Variants in PCDHGA5 observed in about 807,000 individuals in gnomAD.
The protein encoded by PCDHGA5 is protocadherin gamma subfamily A, 5, also known as protocadherin gamma-A5.
In PCDHGA5, 36 loss-of-function variants were observed where a neutral mutation model predicts 56.7. The observed-to-expected ratio is 0.64, with a 90% confidence interval of 0.49 to 0.84. PCDHGA5 has a LOEUF of 0.84. Among genes scored for constraint, PCDHGA5 ranks in the 40% least tolerant of loss-of-function variants. The probability of loss-of-function intolerance (pLI) is 0.00; values close to 1 mark genes in which losing one functional copy is unlikely to be tolerated. For synonymous variants in PCDHGA5, 563 were observed against 520.2 expected (o/e 1.08, Z -1.12); for missense variants, 1,305 against 1,201.5 (o/e 1.09, Z -1.27).
rs2097424370 is a variant in PCDHGA5, at chr5:141,431,859, C to G, written c.2422-62948C>G. On this transcript the variant is annotated intron_variant, in intron 1 of 3. Coordinates refer to ENST00000518069, the MANE Select transcript of PCDHGA5 (RefSeq NM_018918.3). The surrounding 1 kb of genome is among the most constrained non-coding windows in gnomAD (Gnocchi z 4.8). ...AACTCTCCCAGAGGGACATTAATTG[C>G]CCTTTTAAATGTAAATGACCAAGAT... is the stretch of plus-strand genomic sequence containing the variant. The G allele has an allele frequency of 1.2e-6, 2 of 1,614,060 alleles. No individual in the cohort carries two copies. Among genetic ancestry groups the G allele is most frequent in the Middle Eastern group, 3.3e-4 (2 of 6,084 alleles).
intron 1 of PCDHGA5, chr5:141,422,903 A>G (rs1444530801): frequency 1.9e-6 from 3 of 1,614,036 alleles, no homozygotes; most frequent in African/African-American, 2.7e-5. Context: ...CAGAACGACA[A>G]TGCGCCCGAG....
intron 1 of PCDHGA5, 120 bp downstream of exon 1, chr5:141,366,871 G>C: frequency 1.4e-6 from 2 of 1,404,144 alleles, no homozygotes; most frequent in African/African-American, 1.4e-5. Flanking sequence ...TGCTGTATTG[G>C]AGATTAATTT....
intron 1 of PCDHGA5, among the ~76,000 whole-genome samples, chr5:141,479,977 A>G (rs145953890): frequency 0.015 from 2,300 of 152,320 alleles, 30 homozygotes; most frequent in Non-Finnish European, 0.024. Context: ...AGGTTCTACC[A>G]TTTACCAACT....
At position 141,364,423 on chromosome 5, in the gene PCDHGA5, C is replaced by T. The variant is rs773799474; in HGVS notation, c.93C>T (p.Ile31=). The T allele has an allele frequency of 6.2e-7, 1 of 1,613,592 alleles. No individual in the cohort carries two copies. The highest frequency in any genetic ancestry group is 1.1e-5 in the South Asian group (1 of 91,046). Reference sequence around the variant, plus strand: ...TGTGCGAGCCAGGATCCGGGCAGATCCGCTACTCGATGCCGGAGGAGCTGG... The same window carrying T: ...TGTGCGAGCCAGGATCCGGGCAGATTCGCTACTCGATGCCGGAGGAGCTGG... ...GTLCEPGSGQ[I]RYSMPEELDK... Residue 31 remains isoleucine, a synonymous_variant, in exon 1 of 4, where the codon ATC becomes ATT. Transcript: ENST00000518069.
chr5:141,414,124 G>C, intron 1 of PCDHGA5: 1 of 1,592,872 alleles, frequency 6.3e-7, no homozygotes, highest in Non-Finnish European at 8.6e-7. Context: ...TGAAGAAACC[G>C]GTTTCTATGA....
intron 1 of PCDHGA5, chr5:141,405,019 T>C (rs2094597771): frequency 6.2e-7 from 1 of 1,613,860 alleles, no homozygotes; most frequent in African/African-American, 1.3e-5. Flanking sequence ...CCTCAGACCT[T>C]ACCCTCTACC....
At chr5:141,367,311 G>C (rs1390904308) in intron 1 of PCDHGA5, 1 of 152,666 alleles carries the variant, frequency 6.6e-6, no homozygotes. Flanking sequence ...GGCTGAGGTG[G>C]GCGGATCACG....
At chr5:141,497,060 G>T (rs1244885752) in intron 2 of PCDHGA5, among the ~76,000 whole-genome samples, 1 of 151,952 alleles carries the variant, frequency 6.6e-6, no homozygotes, top group Non-Finnish European at 1.5e-5. Context: ...GTGGTGGCAG[G>T]CACCTGTAAT....
chr5:141,403,690 T>G, intron 1 of PCDHGA5: 1 of 1,613,908 alleles, frequency 6.2e-7, no homozygotes, highest in Non-Finnish European at 8.5e-7. Context: ...CTCAACGGAT[T>G]TACCGAGTTA....
intron 1 of PCDHGA5, among the ~76,000 whole-genome samples, chr5:141,439,251 A>G (rs1467023466): frequency 6.6e-6 from 1 of 152,112 alleles, no homozygotes; most frequent in Non-Finnish European, 1.5e-5. Context: ...ATTTCAGCTG[A>G]AGATTCAGCC....
At chr5:141,499,689 C>CTTT (rs545067566) in intron 2 of PCDHGA5, among the ~76,000 whole-genome samples, 57 of 119,830 alleles carry the variant, frequency 4.8e-4, no homozygotes, top group Non-Finnish European at 6.2e-4. Context: ...TAACAGATGA[C>CTTT]TTTTTTTTTT....
In PCDHGA5 at chr5:141,389,981, G is replaced by T. The variant is rs750738084; in HGVS notation, c.2421+23230G>T. On this transcript the variant is annotated intron_variant, in intron 1 of 3. Transcript: ENST00000518069. ...TGGTGGCCTTGGCCTTGATCTCAGT[G>T]CTCTTCCTCGTGGCCATGATTCTGG... The T allele has an allele frequency of 2.5e-6, 4 of 1,614,006 alleles. No homozygotes were observed. The South Asian group carries it at 4.4e-5, about 18-fold the overall frequency.
At chr5:141,504,502 G>A (rs2099838821) in intron 2 of PCDHGA5, among the ~76,000 whole-genome samples, 1 of 152,128 alleles carries the variant, frequency 6.6e-6, no homozygotes, top group Non-Finnish European at 1.5e-5. Context: ...CCCAGTCTGA[G>A]TGGATCTCCT....
intron 1 of PCDHGA5, among the ~76,000 whole-genome samples, chr5:141,484,821 G>A (rs1367529999): frequency 6.6e-6 from 1 of 152,122 alleles, no homozygotes; most frequent in Admixed American, 6.5e-5. Context: ...CGTTGAGCGG[G>A]AGGAAGGCGA....
At chr5:141,372,131 G>C (rs181587030) in intron 1 of PCDHGA5, 4 of 1,613,644 alleles carry the variant, frequency 2.5e-6, no homozygotes, top group African/African-American at 1.3e-5. Context: ...ATATGGTGCC[G>C]CGCTCTGCAG....
chr5:141,447,388 T>C (rs1302757515), intron 1 of PCDHGA5, among the ~76,000 whole-genome samples: 3 of 152,166 alleles, frequency 2.0e-5, no homozygotes, highest in African/African-American at 7.2e-5. Flanking sequence ...TCTGCCCACC[T>C]CGGCCTCCCA....
In PCDHGA5 at chr5:141,372,278, G is replaced by T. The variant is rs756938433; in HGVS notation, c.2421+5527G>T. The T allele has an allele frequency of 5.6e-6, 9 of 1,613,150 alleles. No individual in the cohort carries two copies. The Admixed American group carries it at 1.5e-4, about 27-fold the overall frequency. On this transcript the variant is annotated intron_variant, in intron 1 of 3. Coordinates refer to ENST00000518069, the MANE Select transcript of PCDHGA5 (RefSeq NM_018918.3). ...GCCTGCGCACGGGTGAGGTGCGCAC[G>T]GCGCGTACCTTGGGCGACAGGGAGG...
At chr5:141,392,851 T>C in intron 1 of PCDHGA5, 1 of 1,611,148 alleles carries the variant, frequency 6.2e-7, no homozygotes, top group Non-Finnish European at 8.5e-7. Context: ...CGCGGCGAGC[T>C]GATCCTGCTG....
chr5:141,410,909 A>G lies in PCDHGA5; in HGVS notation c.2421+44158A>G, dbSNP rs183334545. Reference sequence around the variant, plus strand: ...CGCACTGTTGCCTAGGCTGGAGTGCAGTGGCGTGATCTCTGCTCACTGCAA... The same window carrying G: ...CGCACTGTTGCCTAGGCTGGAGTGCGGTGGCGTGATCTCTGCTCACTGCAA... On this transcript the variant is annotated intron_variant, in intron 1 of 3. Coordinates refer to ENST00000518069, the MANE Select transcript of PCDHGA5 (RefSeq NM_018918.3). 188 of 259,978 alleles carry G rather than the reference A, an allele frequency of 7.2e-4. 1 individual carries two copies. Among genetic ancestry groups the G allele is most frequent in the African/African-American group, 5.3e-3 (172 of 32,394 alleles). The allele number at this position is 259,978 out of a possible 1,614,324, so 16.1% of individuals were successfully genotyped here.
Sources: allele counts gnomAD v4.1 joint callset (sites outside exome capture counted in the v4.1 genomes callset), GRCh38; gene constraint gnomAD v4.1.1; non-coding constraint Gnocchi (gnomAD v3.1); transcripts MANE v1.5; gene names NCBI Gene and HGNC (gene_info 2026-07-23, HGNC 2026-07-21).